PAPPA2: variants seen among roughly 807,000 people sequenced by gnomAD.
The protein encoded by PAPPA2 is pappalysin 2.
PAPPA2 carries 86 observed loss-of-function variants against 176.4 expected under a neutral mutation model. That is an observed-to-expected ratio of 0.49 (90% CI 0.41 to 0.58). PAPPA2 has a LOEUF of 0.58. Ranked by LOEUF, PAPPA2 falls within the 20% of genes least tolerant of loss-of-function variation. The pLI is 0.00. For missense variants in PAPPA2, 2,073 were observed against 2,256.9 expected (o/e 0.92, Z 1.65); for synonymous variants, 809 against 852.2 (o/e 0.95, Z 0.88).
rs79701583 is a variant in PAPPA2 at position 176,539,739 on chromosome 1, C to A, written c.-916-15668C>A. Among the ~76,000 whole-genome samples the A allele has an allele frequency of 4.9e-4, 75 of 152,296 alleles. 1 individual carries two copies. In the East Asian group the frequency reaches 0.014, roughly 28 times the overall value. On this transcript the variant is annotated intron_variant, in intron 1 of 22. Coordinates refer to ENST00000367662, the MANE Select transcript of PAPPA2 (RefSeq NM_020318.3). The stretch of plus-strand genomic sequence containing the variant: ...CTCTTCCTCCTGGGCCAGCAAAGAT[C>A]CCTTTGGACACCTGATCTTCTGCCC...
chr1:176,616,196 T>A, intron 3 of PAPPA2: 1 of 373,308 alleles, frequency 2.7e-6, no homozygotes, highest in South Asian at 2.6e-5. Flanking sequence ...TAAGCCAACA[T>A]GTTGGCTAAT....
In PAPPA2 at chr1:176,554,530, A is replaced by G. The variant is rs549561826; in HGVS notation, c.-916-877A>G. Among the ~76,000 whole-genome samples, 34 of 152,358 alleles carry G rather than the reference A, an allele frequency of 2.2e-4. 1 individual carries two copies. The highest frequency in any genetic ancestry group is 4.0e-4 in the Non-Finnish European group (27 of 68,040). ...CCTTTATCTAGGCATCTAGGCAAAC[A>G]CTGCATAGGTTAAAATTATGACATT... On this transcript the variant is annotated intron_variant, in intron 1 of 22. Transcript: ENST00000367662.
At chr1:176,566,519 C>T (rs1651990341) in intron 2 of PAPPA2, among the ~76,000 whole-genome samples, 2 of 152,172 alleles carry the variant, frequency 1.3e-5, no homozygotes, top group South Asian at 4.1e-4. Flanking sequence ...CTCACCTCCC[C>T]ATCCTCTGGG....
intron 12 of PAPPA2, 40 bp from the exon 13 acceptor site, chr1:176,739,586 A>G (rs1358459965): frequency 4.4e-6 from 7 of 1,586,102 alleles, no homozygotes; most frequent in Admixed American, 1.7e-5. Flanking sequence ...TGATAGCTCA[A>G]TGGAAATAAT....
intron 21 of PAPPA2, among the ~76,000 whole-genome samples, chr1:176,800,775 C>G (rs1665647810): frequency 4.6e-5 from 7 of 152,038 alleles, no homozygotes; most frequent in Admixed American, 3.9e-4. Context: ...GGTGGGCACC[C>G]CTTGTTTAAA....
intron 3 of PAPPA2, among the ~76,000 whole-genome samples, chr1:176,638,939 C>CGTGTGCGT: frequency 7.0e-6 from 1 of 143,128 alleles, no homozygotes; most frequent in South Asian, 2.3e-4. Flanking sequence ...TGTGCATGTG[C>CGTGTGCGT]GTGTGTGTGT....
At chr1:176,657,971 A>G (rs1377894513) in intron 3 of PAPPA2, among the ~76,000 whole-genome samples, 1 of 151,986 alleles carries the variant, frequency 6.6e-6, no homozygotes, top group Non-Finnish European at 1.5e-5. Context: ...GCATTAATAT[A>G]ATCAACTACT....
At chr1:176,546,470 AT>A (rs1231710597) in intron 1 of PAPPA2, among the ~76,000 whole-genome samples, 6 of 152,214 alleles carry the variant, frequency 3.9e-5, no homozygotes, top group East Asian at 1.9e-4. Flanking sequence ...GTCAAAAAAA[AT>A]AGTCAAAAAC....
chr1:176,832,003 T>A (rs747695685), intron 21 of PAPPA2, among the ~76,000 whole-genome samples: 1 of 152,184 alleles, frequency 6.6e-6, no homozygotes, highest in East Asian at 1.9e-4. Context: ...CTCTCAGGGA[T>A]GGAGCATGCC....
rs148319270 is a variant in PAPPA2 at position 176,522,422 on chromosome 1, T to C, written c.-916-32985T>C. 7.1e-4 allele frequency among the ~76,000 whole-genome samples: 108 copies of C among 152,332 alleles called. No homozygotes were observed. The Middle Eastern group carries it at 0.01, about 14-fold the overall frequency. On this transcript the variant is annotated intron_variant, in intron 1 of 22. Transcript: ENST00000367662. Reference sequence around the variant, plus strand: ...CCATCTTTCAGTAGAAAAAACTCCTTTCATTTTCTCATATAGAACAGCTAT... The same window carrying C: ...CCATCTTTCAGTAGAAAAAACTCCTCTCATTTTCTCATATAGAACAGCTAT...
intron 12 of PAPPA2, among the ~76,000 whole-genome samples, chr1:176,725,006 A>T (rs890822538): frequency 4.6e-5 from 7 of 152,160 alleles, no homozygotes. Flanking sequence ...AGGGTTTTGG[A>T]AACATTTTCT....
intron 22 of PAPPA2, among the ~76,000 whole-genome samples, chr1:176,840,629 C>A (rs1333157442): frequency 6.6e-6 from 1 of 152,142 alleles, no homozygotes; most frequent in African/African-American, 2.4e-5. Context: ...AGTTACTAAC[C>A]ATCTCCATAA....
At chr1:176,718,575 T>G (rs1022588926) in intron 12 of PAPPA2, among the ~76,000 whole-genome samples, 4 of 152,040 alleles carry the variant, frequency 2.6e-5, no homozygotes, top group African/African-American at 9.7e-5. Context: ...AGTTTTCACA[T>G]CTTATTTCTG....
intron 2 of PAPPA2, among the ~76,000 whole-genome samples, chr1:176,590,874 C>T (rs1415045367): frequency 6.6e-6 from 1 of 152,074 alleles, no homozygotes; most frequent in Non-Finnish European, 1.5e-5. Context: ...GGTTCTAGTG[C>T]ACTCTCTGCA....
chr1:176,766,071 GTTC>G lies in PAPPA2; in HGVS notation c.4323+239_4323+241del, dbSNP rs530115336. On this transcript the variant is annotated intron_variant, in intron 15 of 22. Transcript: ENST00000367662. ...GGCAGTAAAGGGCAATGCTTATTCT[GTTC>G]TTCTCCCTTGTTTATTTCTGTCAGA... is the stretch of plus-strand genomic sequence containing the variant. Among the ~76,000 whole-genome samples, 37 of 152,274 alleles carry G rather than the reference GTTC, an allele frequency of 2.4e-4. No homozygotes were observed. In the South Asian group the frequency reaches 7.7e-3, roughly 32 times the overall value.
chr1:176,715,456 T>G (rs1430975908), intron 12 of PAPPA2, among the ~76,000 whole-genome samples: 4 of 152,152 alleles, frequency 2.6e-5, no homozygotes, highest in African/African-American at 9.7e-5. Context: ...CCAATGTGGC[T>G]GCAAAGGGTA....
chr1:176,494,807 G>T (rs971677653), intron 1 of PAPPA2, among the ~76,000 whole-genome samples: 1 of 152,156 alleles, frequency 6.6e-6, no homozygotes, highest in Non-Finnish European at 1.5e-5. Flanking sequence ...AATCTAAGCC[G>T]GATGCAAATT....
chr1:176,569,252 A>G (rs1040521840), intron 2 of PAPPA2, among the ~76,000 whole-genome samples: 3 of 152,162 alleles, frequency 2.0e-5, no homozygotes, highest in African/African-American at 7.2e-5. Flanking sequence ...TTCTAGCAAC[A>G]CCAAACCATT....
chr1:176,488,988 C>T (rs755399171), intron 1 of PAPPA2, among the ~76,000 whole-genome samples: 8 of 152,158 alleles, frequency 5.3e-5, no homozygotes, highest in East Asian at 1.9e-4. Context: ...TGCGTACTCT[C>T]ATCTGTATAA....
Sources: allele counts gnomAD v4.1 joint callset (sites outside exome capture counted in the v4.1 genomes callset), GRCh38; gene constraint gnomAD v4.1.1; transcripts MANE v1.5; gene names NCBI Gene and HGNC (gene_info 2026-07-23, HGNC 2026-07-21).